The following ABCG2 variants were observed in gnomAD, a reference collection of about 807,000 sequenced individuals.
The protein encoded by ABCG2 is broad substrate specificity ATP-binding cassette transporter ABCG2.
ABCG2 carries 80 observed loss-of-function variants against 73.5 expected under a neutral mutation model. The ratio of observed to expected loss-of-function variants is 1.09; its 90% CI spans 0.91 to 1.31. The LOEUF (loss-of-function observed/expected upper bound fraction) is 1.31. Ranked by LOEUF, ABCG2 falls within the 50% of genes most tolerant of loss-of-function variation. The pLI, the probability that ABCG2 is intolerant of heterozygous loss-of-function variation, is 0.00. For synonymous variants in ABCG2, 269 were observed against 282.4 expected (o/e 0.95, Z 0.48); for missense variants, 796 against 786.2 (o/e 1.01, Z -0.15).
rs375251410 is a variant in ABCG2, at chr4:88,131,852, C to T, written c.329G>A (p.Gly110Glu). 5.0e-6 allele frequency: 8 copies of T among 1,613,730 alleles called. No homozygotes were observed. The highest frequency in any genetic ancestry group is 6.8e-6 in the Non-Finnish European group (8 of 1,179,966). The change falls in exon 4 of 16, where the codon GGA (glycine) becomes GAA (glutamate). Residue 110 changes from glycine to glutamate, a missense_variant. Gly to Glu is a moderately conservative substitution (Grantham distance 98). Transcript: ENST00000237612. Reference sequence around the variant, plus strand: ...TTTGAAATTGGCAGGTCGCGGTGCTCCATTTATCAGAACATCTCCAGATAA... The same window carrying T: ...TTTGAAATTGGCAGGTCGCGGTGCTTCATTTATCAGAACATCTCCAGATAA... ...SGLSGDVLIN[G>E]APRPANFKCN...
rs1723995691 is a variant in ABCG2 at position 88,121,715 on chromosome 4, A to G, written c.609T>C (p.Asp203=). The change falls in exon 6 of 16, where the codon GAT becomes GAC. Residue 203 remains aspartate (D), a synonymous_variant. Coordinates refer to ENST00000237612, the MANE Select transcript of ABCG2 (RefSeq NM_004827.3). The part of the protein sequence containing the change: ...RTSIGMELIT[D]PSILFLDEPT... ...GCTCATCCAAGAACAAGATGGAAGG[A>G]TCAGTGATAAGCTCCATTCCTATAC... The G allele has an allele frequency of 6.2e-7, 1 of 1,613,940 alleles. No homozygotes were observed. Among genetic ancestry groups the G allele is most frequent in the Admixed American group, 1.7e-5 (1 of 60,010 alleles).
At chr4:88,105,886 C>A (rs1722736318) in intron 10 of ABCG2, among the ~76,000 whole-genome samples, 1 of 152,050 alleles carries the variant, frequency 6.6e-6, no homozygotes, top group Admixed American at 6.6e-5. Context: ...GGGCAAAGGA[C>A]TTGAATAGAC....
chr4:88,165,846 C>G lies in ABCG2; in HGVS notation c.-19-25832G>C, dbSNP rs1727494657. Among the ~76,000 whole-genome samples, 3 of 151,780 alleles carry G rather than the reference C, an allele frequency of 2.0e-5. No homozygotes were observed. In the South Asian group the frequency reaches 6.2e-4, roughly 32 times the overall value. ...CCAAGATTGTGCCACTGCACTCCAG[C>G]CTGGGCAACAGAGTGAGACTCCATC... On this transcript the variant is annotated intron_variant, in intron 1 of 15. Coordinates refer to the ABCG2 transcript ENST00000515655.
At chr4:88,210,224 T>C (rs1729541157) in intron 1 of ABCG2, among the ~76,000 whole-genome samples, 1 of 150,758 alleles carries the variant, frequency 6.6e-6, no homozygotes, top group Admixed American at 6.6e-5. Context: ...CACACACATA[T>C]ACATATATAC....
intron 1 of ABCG2, among the ~76,000 whole-genome samples, chr4:88,230,291 T>TAATATA (rs779334338): frequency 1.7e-5 from 1 of 57,908 alleles, no homozygotes; most frequent in Non-Finnish European, 2.8e-5. Flanking sequence ...ACCGCACCTG[T>TAATATA]TATATATATA....
At chr4:88,181,243 TAC>T (rs1728221097) in intron 1 of ABCG2, among the ~76,000 whole-genome samples, 1 of 150,998 alleles carries the variant, frequency 6.6e-6, no homozygotes, top group African/African-American at 2.4e-5. Flanking sequence ...CTACTAAAAA[TAC>T]AAAAACTAGA....
chr4:88,173,932 G>A (rs191487989), intron 1 of ABCG2, among the ~76,000 whole-genome samples: 9 of 152,222 alleles, frequency 5.9e-5, no homozygotes, highest in Admixed American at 5.2e-4. Flanking sequence ...ACTTTTGGCC[G>A]ATGTGTCTCA....
At chr4:88,195,561 A>G (rs1298407857) in intron 1 of ABCG2, among the ~76,000 whole-genome samples, 1 of 152,218 alleles carries the variant, frequency 6.6e-6, no homozygotes, top group African/African-American at 2.4e-5. Flanking sequence ...AGCATAAGGC[A>G]GAGTGAGAGA....
At chr4:88,108,703 T>A (rs1159213447) in intron 9 of ABCG2, among the ~76,000 whole-genome samples, 1 of 152,180 alleles carries the variant, frequency 6.6e-6, no homozygotes, top group Non-Finnish European at 1.5e-5. Flanking sequence ...ACTTTTGGCA[T>A]GAAGCAAACC....
At chr4:88,219,010 G>A (rs1278031053) in intron 1 of ABCG2, among the ~76,000 whole-genome samples, 2 of 152,230 alleles carry the variant, frequency 1.3e-5, no homozygotes, top group Non-Finnish European at 1.5e-5. Context: ...AACTGCTGAG[G>A]TCCTGGGAAT....
intron 1 of ABCG2, among the ~76,000 whole-genome samples, chr4:88,189,528 A>T (rs951446031): frequency 1.3e-4 from 18 of 137,018 alleles, no homozygotes; most frequent in African/African-American, 4.6e-4. Flanking sequence ...AATATAAATA[A>T]ATAAATAAAT....
At chr4:88,102,762 A>G (rs1357007811) in intron 10 of ABCG2, among the ~76,000 whole-genome samples, 1 of 152,172 alleles carries the variant, frequency 6.6e-6, no homozygotes, top group East Asian at 1.9e-4. Flanking sequence ...AAAAGAGGTA[A>G]GTGACACATC....
intron 4 of ABCG2, 45 bp downstream of exon 4, chr4:88,131,758 T>C (rs112157714): frequency 7.1e-6 from 10 of 1,412,018 alleles, no homozygotes; most frequent in African/African-American, 7.1e-5. Flanking sequence ...CACTTACCCA[T>C]ATAGAAACAG....
chr4:88,228,115 A>T (rs1730304080), intron 1 of ABCG2, among the ~76,000 whole-genome samples: 2 of 152,220 alleles, frequency 1.3e-5, no homozygotes, highest in Admixed American at 1.3e-4. Flanking sequence ...TAATGTGGTA[A>T]TCAGGTTTCA....
intron 1 of ABCG2, among the ~76,000 whole-genome samples, chr4:88,192,314 CTA>C (rs1490522485): frequency 6.6e-6 from 1 of 152,064 alleles, no homozygotes; most frequent in Non-Finnish European, 1.5e-5. Flanking sequence ...CTATACTATT[CTA>C]TATGTTTATT....
chr4:88,205,873 G>C (rs1212965806), intron 1 of ABCG2, among the ~76,000 whole-genome samples: 1 of 152,060 alleles, frequency 6.6e-6, no homozygotes, highest in Non-Finnish European at 1.5e-5. Flanking sequence ...AGTAGAGATG[G>C]GGTTTCCCCA....
At chr4:88,204,890 A>C (rs1483590655) in intron 1 of ABCG2, among the ~76,000 whole-genome samples, 2 of 152,216 alleles carry the variant, frequency 1.3e-5, no homozygotes, top group Non-Finnish European at 2.9e-5. Context: ...TATAAAATAT[A>C]CTTGTATAAA....
At chr4:88,112,590 C>T (rs1292865578) in intron 9 of ABCG2, among the ~76,000 whole-genome samples, 1 of 151,936 alleles carries the variant, frequency 6.6e-6, no homozygotes, top group Non-Finnish European at 1.5e-5. Flanking sequence ...TTATTTTTGC[C>T]CATTTTGTTC....
At chr4:88,118,523 G>A (rs934413025) in intron 6 of ABCG2, among the ~76,000 whole-genome samples, 1 of 152,216 alleles carries the variant, frequency 6.6e-6, no homozygotes, top group African/African-American at 2.4e-5. Context: ...TTCTAGGACA[G>A]TCTTCCCAGA....
Sources: gnomAD v4.1 joint callset for allele counts (sites outside exome capture counted in the v4.1 genomes callset) on GRCh38, gnomAD v4.1.1 for gene constraint, MANE v1.5 for transcripts, NCBI Gene and HGNC (gene_info 2026-07-23, HGNC 2026-07-21) for gene names.